Variants in NRXN3 observed in about 807,000 individuals in gnomAD.
NRXN3 encodes neurexin III.
Under a neutral mutation model 137.6 loss-of-function variants are expected in NRXN3, and 32 were observed. The observed-to-expected ratio is 0.23, with a 90% CI of 0.18 to 0.31. The LOEUF (loss-of-function observed/expected upper bound fraction) is 0.31. NRXN3 is among the 10% of genes least tolerant of loss of function. The probability of loss-of-function intolerance (pLI) is 1.00; values close to 1 mark genes in which losing one functional copy is unlikely to be tolerated. For synonymous variants in NRXN3, 798 were observed against 784.5 expected (o/e 1.02, Z -0.29); for missense variants, 1,574 against 2,062.5 (o/e 0.76, Z 4.59).
chr14:79,316,729 C>CCTCTCTCTCTCTCTCTCTCTCTCTCT (rs35515937), intron 15 of NRXN3, among the ~76,000 whole-genome samples: 7 of 138,008 alleles, frequency 5.1e-5, no homozygotes, highest in African/African-American at 1.7e-4. Context: ...CTGTCCTGTC[C>CCTCTCTCTCTCTCTCTCTCTCTCTCT]CTCTCTCTCT....
At chr14:78,396,650 A>G (rs1364402666) in intron 4 of NRXN3, among the ~76,000 whole-genome samples, 2 of 152,298 alleles carry the variant, frequency 1.3e-5, no homozygotes, top group Non-Finnish European at 2.9e-5. Context: ...ATGTTGTGCC[A>G]CTTCCTCTGG....
intron 15 of NRXN3, among the ~76,000 whole-genome samples, chr14:79,451,230 T>C (rs767722833): frequency 2.6e-5 from 4 of 151,916 alleles, no homozygotes; most frequent in Non-Finnish European, 4.4e-5. Context: ...CATAATTTAA[T>C]GATCTCTGCA....
At chr14:78,425,573 C>T (rs2093630613) in intron 4 of NRXN3, among the ~76,000 whole-genome samples, 1 of 152,154 alleles carries the variant, frequency 6.6e-6, no homozygotes, top group Non-Finnish European at 1.5e-5. Context: ...CACCCCTTGA[C>T]TAAACCCTCT....
chr14:79,730,664 G>A (rs182785367), intron 19 of NRXN3, among the ~76,000 whole-genome samples: 32 of 152,284 alleles, frequency 2.1e-4, no homozygotes, highest in African/African-American at 7.7e-4. Flanking sequence ...AAAAAATTGA[G>A]TTGTAGATAT....
chr14:79,365,186 C>A (rs2093833899), intron 15 of NRXN3, among the ~76,000 whole-genome samples: 1 of 151,948 alleles, frequency 6.6e-6, no homozygotes, highest in Admixed American at 6.6e-5. Context: ...ATTCTGAGTT[C>A]TGTACAACAG....
intron 19 of NRXN3, among the ~76,000 whole-genome samples, chr14:79,748,704 C>T (rs1055738099): frequency 4.6e-5 from 7 of 151,872 alleles, no homozygotes; most frequent in Non-Finnish European, 1.0e-4. Flanking sequence ...AAAAAATTTC[C>T]TTGTTGTTCT....
At chr14:79,540,266 G>GTATTATATAAATATATATATTTATATAA (rs2097259684) in intron 16 of NRXN3, among the ~76,000 whole-genome samples, 2 of 149,576 alleles carry the variant, frequency 1.3e-5, no homozygotes, top group Admixed American at 1.3e-4. Context: ...TGGGTATTAT[G>GTATTATATAAATATATATATTTATATAA]CATATAAATA....
At chr14:78,566,961 T>A (rs936879768) in intron 4 of NRXN3, among the ~76,000 whole-genome samples, 48 of 152,290 alleles carry the variant, frequency 3.2e-4, no homozygotes, top group African/African-American at 1.1e-3. Context: ...ATTGCTTGAA[T>A]CCTCAGAGTT....
At chr14:78,894,198 G>T (rs1198802150) in intron 10 of NRXN3, among the ~76,000 whole-genome samples, 1 of 151,852 alleles carries the variant, frequency 6.6e-6, no homozygotes, top group African/African-American at 2.4e-5. Context: ...TGTAGCATAC[G>T]ATGCTGTTTG....
At chr14:78,408,346 C>T (rs2092623336) in intron 4 of NRXN3, among the ~76,000 whole-genome samples, 1 of 152,112 alleles carries the variant, frequency 6.6e-6, no homozygotes, top group Admixed American at 6.5e-5. Context: ...AACTGAATTA[C>T]CTGTTTACAC....
intron 15 of NRXN3, among the ~76,000 whole-genome samples, chr14:79,088,753 T>C (rs987408242): frequency 1.3e-5 from 2 of 152,204 alleles, no homozygotes; most frequent in Admixed American, 1.3e-4. Context: ...TTCTTTGTTA[T>C]ATCAGCCCTT....
In NRXN3 at chr14:79,483,623, T is replaced by C. The variant is rs143260773; in HGVS notation, c.3444+16221T>C. Among the ~76,000 whole-genome samples the C allele has an allele frequency of 4.6e-3, 701 of 152,332 alleles. 8 individuals are homozygous for C. The highest frequency in any genetic ancestry group is 0.016 in the African/African-American group (681 of 41,574). ...CAAGAGAAAAGCTGATATTGTCACA[T>C]TGTGAGTCATAGTGACTCCCAAGGA... On this transcript the variant is annotated intron_variant, in intron 16 of 20. Coordinates refer to ENST00000335750, the MANE Select transcript of NRXN3 (RefSeq NM_001330195.2).
chr14:78,306,078 G>T (rs1248157186), intron 4 of NRXN3, among the ~76,000 whole-genome samples: 1 of 152,042 alleles, frequency 6.6e-6, no homozygotes, highest in East Asian at 1.9e-4. Flanking sequence ...GTTTCTTGGA[G>T]CATTCAAAAA....
intron 15 of NRXN3, 22 bp from the exon 16 acceptor site, chr14:79,467,199 C>T (rs758907457): frequency 3.8e-6 from 6 of 1,583,956 alleles, no homozygotes; most frequent in Admixed American, 1.7e-5. Flanking sequence ...CTTGATGTCT[C>T]CCTCTCTCCT....
chr14:79,496,601 C>G lies in NRXN3; in HGVS notation c.3444+29199C>G, dbSNP rs144137015. On this transcript the variant is annotated intron_variant, in intron 16 of 20. Coordinates refer to ENST00000335750, the MANE Select transcript of NRXN3 (RefSeq NM_001330195.2). ...CCCAATTACAGAACACTGGGTGATACAGCCTTTGCTATAATTATAGTGTGT... is the reference window on the plus strand; with the variant it reads ...CCCAATTACAGAACACTGGGTGATAGAGCCTTTGCTATAATTATAGTGTGT... Among the ~76,000 whole-genome samples, 1,275 of 152,304 alleles carry G rather than the reference C, an allele frequency of 8.4e-3. 39 individuals carry two copies. The highest frequency in any genetic ancestry group is 0.02 in the Middle Eastern group (6 of 294).
chr14:79,408,508 G>A (rs2095356129), intron 15 of NRXN3, among the ~76,000 whole-genome samples: 2 of 152,078 alleles, frequency 1.3e-5, no homozygotes, highest in Non-Finnish European at 2.9e-5. Context: ...ACTGAAAAGG[G>A]AGGTAATGTT....
rs1204353246 is a variant in NRXN3, at chr14:79,867,151, A to G, written c.*5187A>G. The G allele has an allele frequency of 6.6e-6, 1 of 152,252 alleles. No individual in the cohort carries two copies. The highest frequency in any genetic ancestry group is 1.5e-5 in the Non-Finnish European group (1 of 68,050). 9.4% of individuals were successfully genotyped at this position (152,252 alleles called of 1,614,324 possible). A position where few individuals can be genotyped will look rare whatever the true frequency, so the allele number is the denominator to read the frequency against. On this transcript the variant is annotated 3_prime_UTR_variant, in exon 21 of 21. Transcript: ENST00000335750. ...CACACAGCTAATACATGACAATGTC[A>G]TGACTTAAAATCCAGTCTTGTGGTT... is the stretch of plus-strand genomic sequence containing the variant.
intron 4 of NRXN3, among the ~76,000 whole-genome samples, chr14:78,595,978 TG>T (rs903103434): frequency 1.3e-5 from 2 of 152,046 alleles, no homozygotes; most frequent in East Asian, 1.9e-4. Context: ...ACACTGGGGA[TG>T]GGTGGGGAGC....
chr14:78,547,087 G>T (rs2096642845), intron 4 of NRXN3, among the ~76,000 whole-genome samples: 1 of 152,026 alleles, frequency 6.6e-6, no homozygotes, highest in South Asian at 2.1e-4. Context: ...TTTATTTCTC[G>T]ATTGTCTGTC....
Sources: gnomAD v4.1 joint callset for allele counts (sites outside exome capture counted in the v4.1 genomes callset) on GRCh38, gnomAD v4.1.1 for gene constraint, MANE v1.5 for transcripts, NCBI Gene and HGNC (gene_info 2026-07-23, HGNC 2026-07-21) for gene names.